PMPCB: variants seen among roughly 807,000 people sequenced by gnomAD.
The protein encoded by PMPCB is peptidase, mitochondrial processing subunit beta.
PMPCB carries 46 observed loss-of-function variants against 61.5 expected under a neutral mutation model. The ratio of observed to expected loss-of-function variants is 0.75; its 90% confidence interval spans 0.59 to 0.96. The LOEUF is 0.96. Among genes scored for constraint, PMPCB ranks in the 40% least tolerant of loss-of-function variants. The probability of loss-of-function intolerance (pLI) is 0.00; values close to 1 mark genes in which losing one functional copy is unlikely to be tolerated. For missense variants in PMPCB, 590 were observed against 602.4 expected (o/e 0.98, Z 0.22); for synonymous variants, 191 against 201.6 (o/e 0.95, Z 0.44).
At position 103,326,079 on chromosome 7, in the gene PMPCB, A is replaced by C. The variant is rs375168925; in HGVS notation, c.*1432-2852A>C. Among the ~76,000 whole-genome samples the C allele has an allele frequency of 3.3e-5, 5 of 152,210 alleles. No homozygotes were observed. In the East Asian group the frequency reaches 7.7e-4, roughly 24 times the overall value. On this transcript the variant is annotated intron_variant and NMD_transcript_variant, in intron 12 of 12. Coordinates refer to the PMPCB transcript ENST00000444457. ...CTGCAACCACTGTCTCCTGGGTTCA[A>C]GCAAAACTCCCGTCTCCGCCTCCCG...
chr7:103,297,682 C>T (rs947043545), intron 1 of PMPCB, 124 bp downstream of exon 1: 2 of 1,539,582 alleles, frequency 1.3e-6, no homozygotes, highest in South Asian at 1.2e-5. Context: ...CCGGACCCGC[C>T]GGGCGCCAGG....
chr7:103,340,404 C>T, the PMPCB span, among the ~76,000 whole-genome samples: 2 of 152,214 alleles, frequency 1.3e-5, no homozygotes, highest in Non-Finnish European at 2.9e-5. Flanking sequence ...ATGTTTTATA[C>T]ATATGCTTTA....
chr7:103,301,601 G>C (rs901306146), intron 4 of PMPCB, among the ~76,000 whole-genome samples: 1 of 152,174 alleles, frequency 6.6e-6, no homozygotes, highest in Admixed American at 6.5e-5. Flanking sequence ...CAGAGCTTCT[G>C]CTAGTGGGAG....
the PMPCB span, chr7:103,341,738 G>T: frequency 1.3e-6 from 2 of 1,512,904 alleles, no homozygotes; most frequent in South Asian, 1.3e-5. Context: ...GCATCTGACT[G>T]AACAAAATAT....
chr7:103,321,585 T>C (rs1362184321), intron 12 of PMPCB, among the ~76,000 whole-genome samples: 2 of 151,974 alleles, frequency 1.3e-5, no homozygotes, highest in African/African-American at 4.8e-5. Flanking sequence ...CAGTGGCTCA[T>C]GCCTGTAGTC....
chr7:103,317,008 C>A (rs755749192), downstream of PMPCB: 4 of 1,612,580 alleles, frequency 2.5e-6, no homozygotes, highest in Non-Finnish European at 3.4e-6. Context: ...TCATTTATTT[C>A]TTCTATCTGC....
In PMPCB at chr7:103,311,797, T is replaced by C. The variant is rs757615390; in HGVS notation, c.1241-11T>C. On this transcript the variant is annotated splice_polypyrimidine_tract_variant and intron_variant, in intron 10 of 12. Transcript: ENST00000249269. Reference sequence around the variant, plus strand: ...TATTCCAATAGTTAATTTTTCCTTCTCTTTAAACAGGTTCAACTCCAATTT... The same window carrying C: ...TATTCCAATAGTTAATTTTTCCTTCCCTTTAAACAGGTTCAACTCCAATTT... 6.2e-7 allele frequency: 1 copy of C among 1,609,038 alleles called. No homozygotes were observed. Among genetic ancestry groups the C allele is most frequent in the Non-Finnish European group, 8.5e-7 (1 of 1,175,866 alleles).
intron 3 of PMPCB, 56 bp from the exon 4 acceptor site, chr7:103,300,122 A>C (rs1817408308): frequency 6.6e-7 from 1 of 1,504,572 alleles, no homozygotes; most frequent in African/African-American, 1.4e-5. Context: ...TCTGAAGTAG[A>C]ATAGATGAAG....
downstream of PMPCB, among the ~76,000 whole-genome samples, chr7:103,333,922 C>T (rs1047039669): frequency 1.6e-4 from 24 of 150,492 alleles, no homozygotes; most frequent in African/African-American, 5.6e-4. Flanking sequence ...TTTCCAGTTT[C>T]TGGACATTGT....
chr7:103,311,710 ATGT>A lies in PMPCB; in HGVS notation c.1228_1230del (p.Leu410del), dbSNP rs773824397. The A allele has an allele frequency of 3.1e-6, 5 of 1,613,792 alleles. No individual in the cohort carries two copies. In the South Asian group the frequency reaches 3.3e-5, roughly 11 times the overall value. ...AGCCAGAAATCTTCTGAAAACAAAC[ATGT>A]TGTTGCAGCTTGATGGTAAAAATAA... On this transcript the variant is annotated inframe_deletion, in exon 10 of 13. Transcript: ENST00000249269.
At chr7:103,301,899 C>G (rs148751057) in intron 4 of PMPCB, among the ~76,000 whole-genome samples, 1,631 of 151,944 alleles carry the variant, frequency 0.011, 26 homozygotes, top group African/African-American at 0.037. Context: ...TGTGCTGCAC[C>G]CGTTAACTCG....
intron 7 of PMPCB, 24 bp from the exon 8 acceptor site, chr7:103,308,928 G>A (rs746542644): frequency 2.6e-6 from 4 of 1,527,330 alleles, no homozygotes; most frequent in Non-Finnish European, 3.5e-6. Context: ...TTAACTAGAG[G>A]TCCTCCTGCT....
chr7:103,342,584 C>T, the PMPCB span, among the ~76,000 whole-genome samples: 3 of 150,994 alleles, frequency 2.0e-5, no homozygotes, highest in Non-Finnish European at 4.4e-5. Context: ...GCATTACAGG[C>T]GTGAGCCACT....
the PMPCB span, among the ~76,000 whole-genome samples, chr7:103,338,236 C>T: frequency 2.7e-5 from 4 of 147,900 alleles, no homozygotes; most frequent in African/African-American, 1.0e-4. Flanking sequence ...TGCCACTGCA[C>T]TCCAGGATAG....
At chr7:103,330,685 C>T (rs935156308), downstream of PMPCB, among the ~76,000 whole-genome samples, 1 of 148,288 alleles carries the variant, frequency 6.7e-6, no homozygotes, top group East Asian at 2.1e-4. Context: ...CTCCTGACCT[C>T]GTGATCTGCC....
At position 103,314,443 on chromosome 7, in the gene PMPCB, C is replaced by A; in HGVS notation, c.*2172C>A. 1 of 985,328 alleles carries A rather than the reference C, an allele frequency of 1.0e-6. No homozygotes were observed. 61.0% of individuals were successfully genotyped at this position (985,328 alleles called of 1,614,324 possible). On this transcript the variant is annotated 3_prime_UTR_variant, in exon 13 of 13. Transcript: ENST00000249269. ...ATAGCACTACTGCCAGTCACTCTTG[C>A]CTTCACAGGGTCACCTCTCCTCACA... is the stretch of plus-strand genomic sequence containing the variant.
intron 12 of PMPCB, chr7:103,327,276 T>C: frequency 1.0e-6 from 1 of 998,344 alleles, no homozygotes; most frequent in Non-Finnish European, 1.4e-6. Flanking sequence ...CCATAAAGCA[T>C]CTGAAACGAA....
At chr7:103,342,832 T>C in the PMPCB span, among the ~76,000 whole-genome samples, 126 of 151,472 alleles carry the variant, frequency 8.3e-4, 2 homozygotes, top group South Asian at 0.025. Context: ...ATGGTCTTGA[T>C]CTCCTGACCT....
intron 5 of PMPCB, 22 bp downstream of exon 5, chr7:103,304,062 G>T (rs1444301065): frequency 6.8e-7 from 1 of 1,469,766 alleles, no homozygotes; most frequent in Non-Finnish European, 9.4e-7. Context: ...AGAATTTCTT[G>T]GTGTATAAGG....
Sources: gnomAD v4.1 joint callset for allele counts (sites outside exome capture counted in the v4.1 genomes callset) on GRCh38, gnomAD v4.1.1 for gene constraint, MANE v1.5 for transcripts, NCBI Gene and HGNC (gene_info 2026-07-23, HGNC 2026-07-21) for gene names.